MAPT: variants seen among roughly 807,000 people sequenced by gnomAD.
MAPT encodes the protein microtubule associated protein tau.
In MAPT, 34 loss-of-function variants were observed where a neutral mutation model predicts 67.9. The ratio of observed to expected loss-of-function variants is 0.50; its 90% CI spans 0.38 to 0.67. MAPT has a LOEUF of 0.67. Ranked by LOEUF, MAPT falls within the 30% of genes least tolerant of loss-of-function variation. The probability of loss-of-function intolerance (pLI) is 0.00; values close to 1 mark genes in which losing one functional copy is unlikely to be tolerated. For synonymous variants in MAPT, 456 were observed against 464.5 expected, an observed-to-expected ratio of 0.98 and a Z score of 0.23; for missense variants, 881 against 1,115.2, an observed-to-expected ratio of 0.79 and a Z score of 2.99.
chr17:45,900,869 T>C (rs1462262109), intron 1 of MAPT, among the ~76,000 whole-genome samples: 1 of 152,066 alleles, frequency 6.6e-6, no homozygotes, highest in Admixed American at 6.6e-5. Flanking sequence ...TGCCATGGGG[T>C]TCACACAAGC....
chr17:45,904,569 G>A (rs1474793786), intron 1 of MAPT, among the ~76,000 whole-genome samples: 1 of 149,966 alleles, frequency 6.7e-6, no homozygotes, highest in Non-Finnish European at 1.5e-5. Context: ...GCATGTGTCT[G>A]TAGCCCTAGC....
intron 1 of MAPT, among the ~76,000 whole-genome samples, chr17:45,954,065 C>T (rs1484011959): frequency 6.6e-6 from 1 of 152,164 alleles, no homozygotes; most frequent in African/African-American, 2.4e-5. Flanking sequence ...TCTAAAAACT[C>T]TGGCACGTGG....
At chr17:45,914,878 G>A (rs56042957) in intron 1 of MAPT, among the ~76,000 whole-genome samples, 21,744 of 151,424 alleles carry the variant, frequency 0.14, 2,114 homozygotes, top group Middle Eastern at 0.22. Context: ...GCATACCACC[G>A]TGCCCAGCTA....
At chr17:45,991,132 T>C in intron 7 of MAPT, among the ~76,000 whole-genome samples, 1 of 152,256 alleles carries the variant, frequency 6.6e-6, no homozygotes, top group Non-Finnish European at 1.5e-5. Flanking sequence ...ACTAATGTCC[T>C]GCCGATGATT....
intron 11 of MAPT, among the ~76,000 whole-genome samples, chr17:46,016,489 C>T (rs957979502): frequency 3.3e-5 from 5 of 152,028 alleles, no homozygotes; most frequent in African/African-American, 9.7e-5. Flanking sequence ...TTAGTGCTGT[C>T]GGCCAGGCGC....
chr17:45,957,996 T>C (rs908731952), intron 1 of MAPT, among the ~76,000 whole-genome samples: 3 of 151,710 alleles, frequency 2.0e-5, no homozygotes, highest in Non-Finnish European at 4.4e-5. Flanking sequence ...TCTAGCAAAA[T>C]TGACAGATAA....
At chr17:45,987,499 A>G (rs2073673176) in intron 6 of MAPT, among the ~76,000 whole-genome samples, 2 of 152,234 alleles carry the variant, frequency 1.3e-5, no homozygotes, top group African/African-American at 4.8e-5. Context: ...CATCCTTCTC[A>G]GTATTTCACT....
rs1462373934 is a variant in MAPT at position 45,982,873 on chromosome 17, G to A, written c.294G>A (p.Leu98=). Residue 98 remains leucine (L), a synonymous_variant, in exon 5 of 13, where the codon TTG becomes TTA. Transcript: ENST00000262410. ...GCTGCCTCTTCAAACCAGAGGAGTTGAGAGTTCCGGGCCGGCAGAGGAAGG... is the reference window on the plus strand; with the variant it reads ...GCTGCCTCTTCAAACCAGAGGAGTTAAGAGTTCCGGGCCGGCAGAGGAAGG... The part of the protein sequence containing the change: ...EAAGHVTQEE[L]RVPGRQRKAP... The A allele has an allele frequency of 1.5e-6, 2 of 1,320,974 alleles. No homozygotes were observed. The highest frequency in any genetic ancestry group is 3.0e-5 in the African/African-American group (2 of 67,654). The allele number at this position is 1,320,974 out of a possible 1,614,324, so 81.8% of individuals were successfully genotyped here.
In MAPT at chr17:45,932,594, CAAAAAAA is replaced by C. The variant is rs982542546; in HGVS notation, c.-17-29712_-17-29706del. 1.0e-4 allele frequency among the ~76,000 whole-genome samples: 5 copies of C among 50,078 alleles called. No individual in the cohort carries two copies. In the South Asian group the frequency reaches 2.4e-3, roughly 24 times the overall value. The allele number at this position is 50,078 out of a possible 152,430, so 32.9% of individuals were successfully genotyped here. ...TGGGAGACAGAGTAAGACTCCATCTCAAAAAAAAAAAAAAAAAAAAAGAACTTACTCT... is the reference window on the plus strand; with the variant it reads ...TGGGAGACAGAGTAAGACTCCATCTCAAAAAAAAAAAAAAGAACTTACTCT... On this transcript the variant is annotated intron_variant, in intron 1 of 12. Transcript: ENST00000262410.
Position 46,024,049 on chromosome 17 carries a change from G to A in MAPT, c.2380G>A (p.Asp794Asn). ...GTACAAGTCGCCAGTGGTGTCTGGG[G>A]ACACGTCTCCACGGCATCTCAGCAA... The part of the protein sequence containing the change: ...IVYKSPVVSG[D>N]TSPRHLSNVS... The change falls in exon 13 of 13, where the codon GAC becomes AAC. Residue 794 changes from aspartate (D) to asparagine (N), a missense_variant. Physicochemically the swap from Asp to Asn is conservative, Grantham distance 23. This residue lies in a region of MAPT where 79 missense variants were observed against 150.9 expected (regional missense o/e 0.52). Coordinates refer to ENST00000262410, the MANE Select transcript of MAPT (RefSeq NM_001377265.1). The A allele has an allele frequency of 1.9e-6, 3 of 1,614,138 alleles. No homozygotes were observed. The highest frequency in any genetic ancestry group is 2.5e-6 in the Non-Finnish European group (3 of 1,180,028).
At chr17:45,923,629 C>T (rs1157375127) in intron 1 of MAPT, among the ~76,000 whole-genome samples, 1 of 152,242 alleles carries the variant, frequency 6.6e-6, no homozygotes, top group African/African-American at 2.4e-5. Flanking sequence ...GCTTTGCATG[C>T]GACCTTGGCC....
At position 45,897,212 on chromosome 17, in the gene MAPT, G is replaced by T. The variant is rs1418576313; in HGVS notation, c.-18+2526G>T. ...GGTTCCCCTTCCAGATGGAGCGAGG[G>T]TCTCGGGGTGGCCCCGGAAAAGGGG... On this transcript the variant is annotated intron_variant, in intron 1 of 12. Transcript: ENST00000262410. This position sits in a 1 kb window ranked among gnomAD's most constrained non-coding sequence, Gnocchi z 5.0. 6.6e-6 allele frequency: 1 copy of T among 152,278 alleles called. No homozygotes were observed. The highest frequency in any genetic ancestry group is 2.4e-5 in the African/African-American group (1 of 41,472). The allele number at this position is 152,278 out of a possible 1,614,324, so 9.4% of individuals were successfully genotyped here. A position where few individuals can be genotyped will look rare whatever the true frequency, so the allele number is the denominator to read the frequency against.
chr17:45,974,714 A>C, intron 3 of MAPT: 1 of 543,144 alleles, frequency 1.8e-6, no homozygotes. Context: ...GATGCTCCTC[A>C]TCTTGCCTCA....
chr17:45,950,017 A>G (rs62062798), intron 1 of MAPT, among the ~76,000 whole-genome samples: 21,801 of 152,102 alleles, frequency 0.14, 2,135 homozygotes, highest in Non-Finnish European at 0.22. Flanking sequence ...AGGAGGTGAC[A>G]ACGTAGGGAG....
intron 1 of MAPT, among the ~76,000 whole-genome samples, chr17:45,903,816 A>G (rs1189651643): frequency 5.8e-5 from 1 of 17,286 alleles, no homozygotes; most frequent in African/African-American, 2.1e-4. Context: ...AATATAATAT[A>G]TAAATATATT....
intron 1 of MAPT, among the ~76,000 whole-genome samples, chr17:45,948,259 G>A (rs1364609387): frequency 1.3e-5 from 2 of 152,094 alleles, no homozygotes; most frequent in Non-Finnish European, 2.9e-5. Flanking sequence ...GCCCACCTTG[G>A]CCTTCCAAAA....
In MAPT at chr17:45,983,442, G is replaced by A. The variant is rs1172386919; in HGVS notation, c.863G>A (p.Gly288Glu). The A allele has an allele frequency of 3.1e-6, 5 of 1,606,406 alleles. No homozygotes were observed. Among genetic ancestry groups the A allele is most frequent in the Admixed American group, 1.7e-5 (1 of 59,644 alleles). The stretch of plus-strand genomic sequence containing the variant: ...GGGGCAGGGGGCAAAGAGAGGCCGG[G>A]GAGCAAGGAGGAGGTGGATGAAGAC... ...LKGAGGKERPGSKEEVDEDRD... is the reference protein window; with the variant it reads ...LKGAGGKERPESKEEVDEDRD... The change falls in exon 5 of 13, where the codon GGG (glycine) becomes GAG (glutamate). Residue 288 changes from glycine to glutamate, a missense_variant. Transcript: ENST00000262410.
intron 9 of MAPT, among the ~76,000 whole-genome samples, chr17:46,009,817 C>T (rs1184076685): frequency 1.3e-5 from 2 of 152,196 alleles, no homozygotes; most frequent in Admixed American, 1.3e-4. Context: ...TAAAAATCCA[C>T]AGGTGATTCT....
chr17:45,941,757 G>T (rs1351784191), intron 1 of MAPT, among the ~76,000 whole-genome samples: 2 of 94,804 alleles, frequency 2.1e-5, no homozygotes, highest in African/African-American at 7.8e-5. Context: ...CTTCCTTCCT[G>T]GTATGTGACT....
Sources: gnomAD v4.1 joint callset for allele counts (sites outside exome capture counted in the v4.1 genomes callset) on GRCh38, gnomAD v4.1.1 for gene constraint, gnomAD v4.1.1 regional missense constraint, Gnocchi (gnomAD v3.1) non-coding constraint, MANE v1.5 for transcripts, NCBI Gene and HGNC (gene_info 2026-07-23, HGNC 2026-07-21) for gene names.